The following SLIT3 variants were observed in gnomAD, a reference collection of about 807,000 sequenced individuals.
The protein encoded by SLIT3 is slit homolog 3 protein.
A neutral mutation model predicts 184.0 loss-of-function variants in SLIT3; 68 were observed. The observed-to-expected ratio is 0.37, with a 90% CI of 0.30 to 0.45. The LOEUF is 0.45. SLIT3 is among the 20% of genes least tolerant of loss of function. SLIT3 has a pLI of 1.00. For missense variants in SLIT3, 1,707 were observed against 2,026.0 expected (o/e 0.84, Z 3.02); for synonymous variants, 831 against 828.6 (o/e 1.00, Z -0.05).
chr5:169,006,091 G>A (rs192249501), intron 4 of SLIT3, among the ~76,000 whole-genome samples: 5 of 152,274 alleles, frequency 3.3e-5, no homozygotes, highest in Admixed American at 6.5e-5. Flanking sequence ...TAATCTAAGT[G>A]AAAGGGGACA....
At chr5:168,943,786 C>T (rs1762391367) in intron 4 of SLIT3, among the ~76,000 whole-genome samples, 1 of 152,124 alleles carries the variant, frequency 6.6e-6, no homozygotes, top group South Asian at 2.1e-4. Context: ...ATAATCTCAC[C>T]TCCATGCTCA....
intron 4 of SLIT3, among the ~76,000 whole-genome samples, chr5:168,974,222 T>A (rs1002347855): frequency 1.3e-5 from 2 of 152,240 alleles, no homozygotes; most frequent in African/African-American, 4.8e-5. Context: ...TTCTCTTGCC[T>A]CTTGGTTCAC....
intron 4 of SLIT3, among the ~76,000 whole-genome samples, chr5:168,958,034 GT>G (rs1370859902): frequency 1.3e-5 from 2 of 152,184 alleles, no homozygotes; most frequent in Non-Finnish European, 2.9e-5. Context: ...TTGAGGGACT[GT>G]TAAGAATTGT....
At chr5:168,995,509 G>T (rs1475188462) in intron 4 of SLIT3, 1 of 152,170 alleles carries the variant, frequency 6.6e-6, no homozygotes. Context: ...ATTAAGTGAT[G>T]AAAGAAAGTG....
intron 16 of SLIT3, among the ~76,000 whole-genome samples, chr5:168,756,606 G>T (rs141073790): frequency 6.6e-6 from 1 of 152,130 alleles, no homozygotes; most frequent in Non-Finnish European, 1.5e-5. Flanking sequence ...AAACTTGGCC[G>T]GTTTTCTTAT....
At chr5:169,083,897 G>C (rs1394009547) in intron 4 of SLIT3, among the ~76,000 whole-genome samples, 1 of 152,178 alleles carries the variant, frequency 6.6e-6, no homozygotes, top group Non-Finnish European at 1.5e-5. Context: ...ATTGTCCCTC[G>C]TGGTTAGCTC....
intron 4 of SLIT3, among the ~76,000 whole-genome samples, chr5:168,939,119 A>AT (rs1762253669): frequency 1.3e-5 from 2 of 152,318 alleles, no homozygotes; most frequent in Non-Finnish European, 1.5e-5. Flanking sequence ...AACCGGAAAC[A>AT]CAGACTAAAA....
chr5:168,699,126 A>G (rs1237837259), intron 27 of SLIT3, among the ~76,000 whole-genome samples: 1 of 152,232 alleles, frequency 6.6e-6, no homozygotes, highest in African/African-American at 2.4e-5. Flanking sequence ...TATGTGAGCC[A>G]GCAGGAGTGG....
At chr5:169,287,534 C>G (rs1197654862) in intron 1 of SLIT3, among the ~76,000 whole-genome samples, 1 of 152,188 alleles carries the variant, frequency 6.6e-6, no homozygotes, top group African/African-American at 2.4e-5. Flanking sequence ...GAGGTCCTCT[C>G]TGGTGACCTT....
rs76603157 is a variant in SLIT3 at position 168,913,411 on chromosome 5, G to A, written c.414-30075C>T. On this transcript the variant is annotated intron_variant, in intron 4 of 35. Transcript: ENST00000519560. ...CCATTAGCTTTTCCGTAACCCAGCT[G>A]ATTTATTCAAACACTCAAACTTGTT... Among the ~76,000 whole-genome samples the A allele has an allele frequency of 7.5e-3, 1,148 of 152,294 alleles. 8 individuals are homozygous for A. Among genetic ancestry groups the A allele is most frequent in the Non-Finnish European group, 0.011 (732 of 68,018 alleles).
intron 11 of SLIT3, among the ~76,000 whole-genome samples, chr5:168,788,424 A>G (rs935741786): frequency 6.6e-6 from 1 of 152,158 alleles, no homozygotes; most frequent in African/African-American, 2.4e-5. Context: ...GCCCACTCAA[A>G]TTAGGTAAAC....
chr5:169,092,271 T>A (rs554596921), intron 4 of SLIT3, among the ~76,000 whole-genome samples: 1 of 152,216 alleles, frequency 6.6e-6, no homozygotes, highest in African/African-American at 2.4e-5. Context: ...CAGATTCATA[T>A]TGACCCACAG....
chr5:169,094,873 T>A (rs1759721037), intron 4 of SLIT3, among the ~76,000 whole-genome samples: 1 of 152,204 alleles, frequency 6.6e-6, no homozygotes, highest in Non-Finnish European at 1.5e-5. Context: ...AAGAGCTGAG[T>A]GGCTGTGACA....
intron 4 of SLIT3, among the ~76,000 whole-genome samples, chr5:169,117,961 A>T (rs1291043936): frequency 6.6e-6 from 1 of 152,192 alleles, no homozygotes; most frequent in African/African-American, 2.4e-5. Context: ...ACACACTAGG[A>T]CAATGTTATG....
chr5:168,761,765 G>C (rs1755156816), intron 15 of SLIT3, among the ~76,000 whole-genome samples: 2 of 151,708 alleles, frequency 1.3e-5, no homozygotes, highest in African/African-American at 4.8e-5. Flanking sequence ...CAGATACCGG[G>C]TCTCACTCTG....
chr5:169,292,566 G>T (rs771707187), intron 1 of SLIT3, among the ~76,000 whole-genome samples: 3 of 152,042 alleles, frequency 2.0e-5, no homozygotes, highest in Non-Finnish European at 2.9e-5. Context: ...TAATCCACAT[G>T]CCAGATTGTA....
chr5:168,980,854 T>C (rs934981189), intron 4 of SLIT3, among the ~76,000 whole-genome samples: 4 of 152,190 alleles, frequency 2.6e-5, no homozygotes, highest in Admixed American at 6.5e-5. Context: ...GGTAGAAGAA[T>C]ATTTAGTGAT....
intron 5 of SLIT3, among the ~76,000 whole-genome samples, chr5:168,872,841 C>G (rs1200096533): frequency 6.6e-6 from 1 of 151,952 alleles, no homozygotes. Context: ...GGGGTTTCAC[C>G]GTGTTAGCCA....
intron 20 of SLIT3, among the ~76,000 whole-genome samples, chr5:168,738,306 CT>C (rs1280478903): frequency 2.0e-5 from 3 of 152,124 alleles, no homozygotes; most frequent in African/African-American, 7.3e-5. Flanking sequence ...CTGGTGGTCA[CT>C]GTATTCTTCA....
Sources: gnomAD v4.1 joint callset for allele counts (sites outside exome capture counted in the v4.1 genomes callset) on GRCh38, gnomAD v4.1.1 for gene constraint, MANE v1.5 for transcripts, NCBI Gene and HGNC (gene_info 2026-07-23, HGNC 2026-07-21) for gene names.